Variants in OR51B5 observed in about 807,000 individuals in gnomAD.
OR51B5 encodes the protein olfactory receptor family 51 subfamily B member 5.
For synonymous variants in OR51B5, 186 were observed against 144.8 expected, an observed-to-expected ratio of 1.28 and a Z score of -2.04; for missense variants, 456 against 374.6, an observed-to-expected ratio of 1.22 and a Z score of -1.79.
chr11:5,413,041 A>AG (rs138270959), intron 1 of OR51B5, among the ~76,000 whole-genome samples: 123,636 of 152,042 alleles, frequency 0.81, 51,316 homozygotes, highest in Non-Finnish European at 0.89. Context: ...ACCCCCCAGT[A>AG]GGGCAGACTG....
At chr11:5,364,464 A>G (rs534742456) in intron 1 of OR51B5, among the ~76,000 whole-genome samples, 2 of 152,342 alleles carry the variant, frequency 1.3e-5, no homozygotes, top group African/African-American at 4.8e-5. Flanking sequence ...AATTCCTGCC[A>G]TATTTGTAAT....
Position 5,429,842 on chromosome 11 carries a change from A to G in OR51B5, n.84+75727T>C, listed in dbSNP as rs147373220. ...CTAAAATTGAGCCTGGGATTCTACT[A>G]AAGAAGAATTTGCTGCTTTTGCTGA... is the stretch of plus-strand genomic sequence containing the variant. On this transcript the variant is annotated intron_variant and non_coding_transcript_variant, in intron 1 of 4. Transcript: ENST00000415970. Among the ~76,000 whole-genome samples the G allele has an allele frequency of 5.9e-5, 9 of 152,346 alleles. No homozygotes were observed. In the East Asian group the frequency reaches 1.7e-3, roughly 29 times the overall value.
chr11:5,486,808 G>A (rs1017727430), intron 1 of OR51B5, among the ~76,000 whole-genome samples: 9 of 151,990 alleles, frequency 5.9e-5, no homozygotes, highest in Non-Finnish European at 1.0e-4. Context: ...AAACACCATC[G>A]GTCATCAGTT....
intron 1 of OR51B5, among the ~76,000 whole-genome samples, chr11:5,465,477 C>G (rs920090986): frequency 2.6e-5 from 4 of 151,784 alleles, no homozygotes; most frequent in Non-Finnish European, 5.9e-5. Flanking sequence ...CATATGGAAC[C>G]AAAAAAGAGC....
intron 1 of OR51B5, among the ~76,000 whole-genome samples, chr11:5,381,139 C>T (rs1452647408): frequency 1.6e-5 from 2 of 124,042 alleles, no homozygotes; most frequent in African/African-American, 5.8e-5. Context: ...ACCTCTCTCT[C>T]TCTGTCGCTC....
At chr11:5,404,899 G>C (rs565141966) in intron 1 of OR51B5, among the ~76,000 whole-genome samples, 1 of 152,178 alleles carries the variant, frequency 6.6e-6, no homozygotes, top group Non-Finnish European at 1.5e-5. Context: ...CCAGAAGGAA[G>C]AAACTCTAGA....
At chr11:5,465,011 C>A (rs1490917029) in intron 1 of OR51B5, among the ~76,000 whole-genome samples, 1 of 152,086 alleles carries the variant, frequency 6.6e-6, no homozygotes, top group South Asian at 2.1e-4. Context: ...TCGAGACCAT[C>A]CCGGCTAAAA....
At position 5,497,042 on chromosome 11, in the gene OR51B5, TAAAAA is replaced by T. The variant is rs199964356; in HGVS notation, n.84+8522_84+8526del. Among the ~76,000 whole-genome samples, 217 of 151,274 alleles carry T rather than the reference TAAAAA, an allele frequency of 1.4e-3. 1 individual carries two copies. Among genetic ancestry groups the T allele is most frequent in the Middle Eastern group, 6.8e-3 (2 of 294 alleles). On this transcript the variant is annotated intron_variant and non_coding_transcript_variant, in intron 1 of 4. Transcript: ENST00000415970. ...CCACAGAAGATGGTGAATCAATGTT[TAAAAA>T]AAAAAAAAAAAAAAAAAAGAGAGAG...
At chr11:5,474,261 T>C (rs930869275) in intron 1 of OR51B5, among the ~76,000 whole-genome samples, 4 of 152,142 alleles carry the variant, frequency 2.6e-5, no homozygotes, top group African/African-American at 7.2e-5. Context: ...CATAAAATTA[T>C]TGGTTGAGAA....
At position 5,485,737 on chromosome 11, in the gene OR51B5, A is replaced by G. The variant is rs185996903; in HGVS notation, n.84+19832T>C. 2.9e-3 allele frequency among the ~76,000 whole-genome samples: 448 copies of G among 152,250 alleles called. 4 individuals are homozygous for G. The highest frequency in any genetic ancestry group is 0.01 in the African/African-American group (426 of 41,544). On this transcript the variant is annotated intron_variant and non_coding_transcript_variant, in intron 1 of 4. Transcript: ENST00000415970. ...TCTTCCTTCTGAGATCTGCATGGCTAGCTCTTTTGACTCAAGGCTTTGCTC... is the reference window on the plus strand; with the variant it reads ...TCTTCCTTCTGAGATCTGCATGGCTGGCTCTTTTGACTCAAGGCTTTGCTC...
intron 1 of OR51B5, among the ~76,000 whole-genome samples, chr11:5,480,589 A>G (rs1289086827): frequency 6.6e-6 from 1 of 152,040 alleles, no homozygotes; most frequent in Non-Finnish European, 1.5e-5. Context: ...TGAAAGGATC[A>G]ATAAAATTGA....
At chr11:5,346,950 A>G (rs1325150614), upstream of OR51B5, 2 of 152,200 alleles carry the variant, frequency 1.3e-5, no homozygotes, top group African/African-American at 4.8e-5. Flanking sequence ...TAATAAAGAT[A>G]GCACCTTCCC....
chr11:5,440,782 A>G, intron 1 of OR51B5: 3 of 1,613,964 alleles, frequency 1.9e-6, no homozygotes, highest in Non-Finnish European at 2.5e-6. Context: ...CAGATGTGTG[A>G]CATGCAGGTG....
chr11:5,432,144 T>C (rs1301861971), intron 1 of OR51B5, among the ~76,000 whole-genome samples: 8 of 152,232 alleles, frequency 5.3e-5, no homozygotes, highest in Non-Finnish European at 1.2e-4. Context: ...TATGTGTTTA[T>C]AGCTATTAAC....
intron 1 of OR51B5, among the ~76,000 whole-genome samples, chr11:5,479,554 G>A (rs1422502495): frequency 2.0e-5 from 3 of 150,870 alleles, no homozygotes; most frequent in Non-Finnish European, 4.4e-5. Context: ...CCAATTAAAA[G>A]ACACAGACTG....
At chr11:5,363,744 C>T (rs189917301) in intron 1 of OR51B5, among the ~76,000 whole-genome samples, 92 of 152,162 alleles carry the variant, frequency 6.0e-4, no homozygotes, top group African/African-American at 1.7e-3. Flanking sequence ...TATTGGAAAG[C>T]GGGAAAGTAG....
chr11:5,369,722 T>C (rs935876375), intron 1 of OR51B5, among the ~76,000 whole-genome samples: 2 of 152,198 alleles, frequency 1.3e-5, no homozygotes, highest in Admixed American at 6.5e-5. Context: ...TATACATATA[T>C]GAACATACTC....
intron 1 of OR51B5, chr11:5,391,997 A>C (rs145646058): frequency 0.015 from 2,302 of 152,302 alleles, 22 homozygotes; most frequent in Middle Eastern, 0.051. Flanking sequence ...TGAGCCCAGG[A>C]GGTTGAGGCT....
chr11:5,396,608 C>G (rs915251913), intron 1 of OR51B5, among the ~76,000 whole-genome samples: 5 of 151,784 alleles, frequency 3.3e-5, no homozygotes, highest in African/African-American at 1.2e-4. Flanking sequence ...GAAACAATAT[C>G]GTGAAAATGG....
Sources: gnomAD v4.1 joint callset for allele counts (sites outside exome capture counted in the v4.1 genomes callset) on GRCh38, gnomAD v4.1.1 for gene constraint, MANE v1.5 for transcripts, NCBI Gene and HGNC (gene_info 2026-07-23, HGNC 2026-07-21) for gene names.